The following ANK3 variants were observed in gnomAD, a reference collection of about 807,000 sequenced individuals.
The protein encoded by ANK3 is ankyrin 3.
A neutral mutation model predicts 370.9 loss-of-function variants in ANK3; 57 were observed. The ratio of observed to expected loss-of-function variants is 0.15; its 90% CI spans 0.12 to 0.19. The LOEUF (loss-of-function observed/expected upper bound fraction) is 0.19, where lower values mean the gene tolerates loss of function less well. Among genes scored for constraint, ANK3 ranks in the 10% least tolerant of loss-of-function variants. ANK3 has a pLI of 1.00. For synonymous variants in ANK3, 1,929 were observed against 1,946.3 expected (o/e 0.99, Z 0.23); for missense variants, 4,439 against 5,302.1 (o/e 0.84, Z 5.06).
chr10:60,543,480 G>C (rs1268667215), intron 2 of ANK3, among the ~76,000 whole-genome samples: 1 of 151,950 alleles, frequency 6.6e-6, no homozygotes, highest in Admixed American at 6.6e-5. Context: ...CTGTGGTGAA[G>C]AGCAAGGTAT....
chr10:60,500,886 T>G (rs1481765995), intron 2 of ANK3, among the ~76,000 whole-genome samples: 1 of 152,174 alleles, frequency 6.6e-6, no homozygotes, highest in South Asian at 2.1e-4. Context: ...ATTTCTCAAT[T>G]AAATATTTGA....
intron 38 of ANK3, among the ~76,000 whole-genome samples, chr10:60,066,601 G>T (rs1335652703): frequency 6.6e-6 from 1 of 151,828 alleles, no homozygotes; most frequent in East Asian, 1.9e-4. Context: ...TAGTGGTGGT[G>T]GGGGTGGACG....
intron 25 of ANK3, among the ~76,000 whole-genome samples, chr10:60,119,875 G>A (rs2093357797): frequency 6.6e-6 from 1 of 152,088 alleles, no homozygotes; most frequent in Non-Finnish European, 1.5e-5. Flanking sequence ...ATATTTAACA[G>A]TATGTCCATA....
At chr10:60,589,466 A>G (rs2077879685) in intron 2 of ANK3, among the ~76,000 whole-genome samples, 1 of 152,200 alleles carries the variant, frequency 6.6e-6, no homozygotes, top group Non-Finnish European at 1.5e-5. Context: ...TGTGCCTGTT[A>G]TAATCAACTA....
At chr10:60,579,252 G>A (rs1454458668) in intron 2 of ANK3, among the ~76,000 whole-genome samples, 1 of 150,632 alleles carries the variant, frequency 6.6e-6, no homozygotes, top group Non-Finnish European at 1.5e-5. Flanking sequence ...TTGAACCTGG[G>A]AGGCGGAGGT....
Position 60,279,038 on chromosome 10 carries a change from T to C in ANK3, c.315+12A>G. The C allele has an allele frequency of 6.2e-7, 1 of 1,613,250 alleles. No individual in the cohort carries two copies. Among genetic ancestry groups the C allele is most frequent in the East Asian group, 2.2e-5 (1 of 44,858 alleles). ...CGAGTGGTTCAAAAAGCATTAAATA[T>C]GTGATACTGACCTTTGTAGCTGCAT... is the stretch of plus-strand genomic sequence containing the variant. On this transcript the variant is annotated intron_variant, in intron 3 of 43. Coordinates refer to ENST00000280772, the MANE Select transcript of ANK3 (RefSeq NM_020987.5).
intron 2 of ANK3, among the ~76,000 whole-genome samples, chr10:60,604,761 T>G (rs1460858034): frequency 6.6e-6 from 1 of 152,176 alleles, no homozygotes; most frequent in East Asian, 1.9e-4. Flanking sequence ...ACATTTTCAA[T>G]GAGTGGCCAC....
At chr10:60,313,320 A>G (rs2132855476) in intron 1 of ANK3, among the ~76,000 whole-genome samples, 1 of 152,366 alleles carries the variant, frequency 6.6e-6, no homozygotes, top group East Asian at 1.9e-4. Context: ...GGGAAAAGGA[A>G]TAAGCATATT....
At chr10:60,499,431 C>G (rs1567095157) in intron 2 of ANK3, among the ~76,000 whole-genome samples, 1 of 152,220 alleles carries the variant, frequency 6.6e-6, no homozygotes, top group East Asian at 1.9e-4. Flanking sequence ...GAAAAGAAAA[C>G]TAGAGCTCAA....
chr10:60,211,892 C>CAAAAAAAAAAAAAAAA (rs72238553), intron 9 of ANK3, among the ~76,000 whole-genome samples: 1 of 93,398 alleles, frequency 1.1e-5, no homozygotes, highest in Admixed American at 1.3e-4. Context: ...AATACAGAGC[C>CAAAAAAAAAAAAAAAA]AAAAAAAAAA....
intron 1 of ANK3, among the ~76,000 whole-genome samples, chr10:60,294,428 T>C (rs1457387818): frequency 1.3e-5 from 2 of 152,170 alleles, no homozygotes; most frequent in Non-Finnish European, 2.9e-5. Flanking sequence ...TCCTAAAATG[T>C]TGGCCACCAG....
chr10:60,313,491 G>C (rs766116973), intron 1 of ANK3, among the ~76,000 whole-genome samples: 3 of 152,124 alleles, frequency 2.0e-5, no homozygotes, highest in Non-Finnish European at 4.4e-5. Flanking sequence ...GGAACATATA[G>C]ATCTTCTGCT....
chr10:60,511,046 T>A (rs2076067461), intron 2 of ANK3, among the ~76,000 whole-genome samples: 1 of 152,108 alleles, frequency 6.6e-6, no homozygotes, highest in African/African-American at 2.4e-5. Context: ...ATAGCATTCA[T>A]CAGGTCTAGT....
chr10:60,181,219 G>A lies in ANK3; in HGVS notation c.2184+110C>T, dbSNP rs547598273. 104 of 986,416 alleles carry A rather than the reference G, an allele frequency of 1.1e-4. No individual in the cohort carries two copies. In the African/African-American group the frequency reaches 1.4e-3, roughly 13 times the overall value. 61.1% of individuals were successfully genotyped at this position (986,416 alleles called of 1,614,324 possible). ...AAATAAACATTTAAAATACTACGTAGAAAAGAGATGATTAAAGGGTTTGTT... is the reference window on the plus strand; with the variant it reads ...AAATAAACATTTAAAATACTACGTAAAAAAGAGATGATTAAAGGGTTTGTT... On this transcript the variant is annotated intron_variant, in intron 18 of 43. Transcript: ENST00000280772.
At chr10:60,412,444 C>T (rs954711217) in intron 2 of ANK3, among the ~76,000 whole-genome samples, 4 of 152,162 alleles carry the variant, frequency 2.6e-5, no homozygotes, top group Non-Finnish European at 5.9e-5. Context: ...GGTTCTCAGG[C>T]CTTCGGACTG....
At chr10:60,374,398 T>A (rs962982887) in intron 1 of ANK3, among the ~76,000 whole-genome samples, 1 of 152,110 alleles carries the variant, frequency 6.6e-6, no homozygotes, top group Admixed American at 6.5e-5. Context: ...TAAACTAGCA[T>A]TTCAGGAAGA....
At chr10:60,246,518 C>G (rs1371759691) in intron 7 of ANK3, among the ~76,000 whole-genome samples, 2 of 152,120 alleles carry the variant, frequency 1.3e-5, no homozygotes, top group East Asian at 1.9e-4. Flanking sequence ...ATGACATTTC[C>G]TTAACCTCAC....
chr10:60,451,517 A>G (rs1180199980), intron 2 of ANK3, among the ~76,000 whole-genome samples: 1 of 152,206 alleles, frequency 6.6e-6, no homozygotes, highest in Non-Finnish European at 1.5e-5. Context: ...GGGATCCAGG[A>G]AAAGTGTAGA....
chr10:60,318,409 C>T (rs761395766), intron 1 of ANK3, among the ~76,000 whole-genome samples: 4 of 152,176 alleles, frequency 2.6e-5, no homozygotes, highest in Non-Finnish European at 5.9e-5. Flanking sequence ...ATTTGAATTT[C>T]CAAGATCAGA....
Sources: gnomAD v4.1 joint callset for allele counts (sites outside exome capture counted in the v4.1 genomes callset) on GRCh38, gnomAD v4.1.1 for gene constraint, MANE v1.5 for transcripts, NCBI Gene and HGNC (gene_info 2026-07-23, HGNC 2026-07-21) for gene names.